CSMD1: variants seen among roughly 807,000 people sequenced by gnomAD.
The protein encoded by CSMD1 is CUB and sushi domain-containing protein 1.
Under a neutral mutation model 417.5 loss-of-function variants are expected in CSMD1, and 213 were observed. The observed-to-expected ratio is 0.51, with a 90% CI of 0.46 to 0.57. The LOEUF is 0.57. Ranked by LOEUF, CSMD1 falls within the 20% of genes least tolerant of loss-of-function variation. The probability of loss-of-function intolerance (pLI) is 0.00; values close to 1 mark genes in which losing one functional copy is unlikely to be tolerated. For synonymous variants in CSMD1, 2,862 were observed against 1,736.8 expected, an observed-to-expected ratio of 1.65 and a Z score of -16.11; for missense variants, 6,923 against 4,529.7, an observed-to-expected ratio of 1.53 and a Z score of -15.17.
intron 3 of CSMD1, among the ~76,000 whole-genome samples, chr8:4,345,846 G>C (rs1435060278): frequency 6.6e-6 from 1 of 152,114 alleles, no homozygotes; most frequent in African/African-American, 2.4e-5. Flanking sequence ...ACCTACATTG[G>C]AGTGTTCTGA....
chr8:4,470,787 AG>A (rs1485285024), intron 2 of CSMD1, among the ~76,000 whole-genome samples: 1 of 152,218 alleles, frequency 6.6e-6, no homozygotes, highest in Non-Finnish European at 1.5e-5. Flanking sequence ...ACAATATTTA[AG>A]GATTGTCTAA....
intron 1 of CSMD1, among the ~76,000 whole-genome samples, chr8:4,842,649 T>C (rs1003323991): frequency 2.6e-5 from 4 of 152,252 alleles, no homozygotes; most frequent in African/African-American, 9.6e-5. Context: ...TGTTCTTCTC[T>C]GTTGGACAGT....
chr8:3,280,018 A>G (rs915228730), intron 26 of CSMD1, among the ~76,000 whole-genome samples: 6 of 152,206 alleles, frequency 3.9e-5, no homozygotes, highest in African/African-American at 1.4e-4. Context: ...GAGATGGTCA[A>G]TGCAGCAGCT....
At chr8:4,412,291 C>G (rs1047304114) in intron 3 of CSMD1, among the ~76,000 whole-genome samples, 2 of 152,118 alleles carry the variant, frequency 1.3e-5, no homozygotes, top group Non-Finnish European at 2.9e-5. Flanking sequence ...TACCACCATC[C>G]TCTCGGTTGC....
intron 3 of CSMD1, among the ~76,000 whole-genome samples, chr8:4,201,837 G>A (rs1216342861): frequency 7.0e-6 from 1 of 143,296 alleles, no homozygotes; most frequent in African/African-American, 2.7e-5. Context: ...CTTATAGAAG[G>A]ATCTTAATTG....
At chr8:4,313,441 T>G (rs946799623) in intron 3 of CSMD1, among the ~76,000 whole-genome samples, 5 of 151,226 alleles carry the variant, frequency 3.3e-5, no homozygotes, top group African/African-American at 1.2e-4. Context: ...TGACATTTAA[T>G]TCTCCTCTGA....
intron 10 of CSMD1, among the ~76,000 whole-genome samples, chr8:3,558,947 C>T (rs1250388756): frequency 2.6e-5 from 4 of 152,066 alleles, no homozygotes; most frequent in Non-Finnish European, 5.9e-5. Context: ...CCCAGAGTAG[C>T]CCAGTATGAC....
intron 7 of CSMD1, among the ~76,000 whole-genome samples, chr8:3,660,572 G>C (rs1053469091): frequency 1.8e-5 from 2 of 108,750 alleles, no homozygotes; most frequent in African/African-American, 3.5e-5. Flanking sequence ...CCAGGCAAGA[G>C]TGCAGTGGTG....
At chr8:3,120,449 C>T (rs528322880) in intron 41 of CSMD1, among the ~76,000 whole-genome samples, 14 of 152,282 alleles carry the variant, frequency 9.2e-5, no homozygotes, top group Admixed American at 8.5e-4. Context: ...TCTTCATTAA[C>T]ATTTGCCAAA....
intron 7 of CSMD1, among the ~76,000 whole-genome samples, chr8:3,693,224 C>A (rs940231852): frequency 6.6e-6 from 1 of 152,100 alleles, no homozygotes; most frequent in Admixed American, 6.5e-5. Flanking sequence ...CTTGTCACGA[C>A]AACAGGCATA....
At chr8:4,086,912 T>C (rs149940837) in intron 3 of CSMD1, among the ~76,000 whole-genome samples, 8 of 152,264 alleles carry the variant, frequency 5.3e-5, no homozygotes, top group Non-Finnish European at 1.0e-4. Flanking sequence ...CAGGCAAGGG[T>C]TGAAGCTTGT....
chr8:4,977,227 A>G (rs1810611161), intron 1 of CSMD1, among the ~76,000 whole-genome samples: 1 of 152,186 alleles, frequency 6.6e-6, no homozygotes, highest in African/African-American at 2.4e-5. Flanking sequence ...TATTCCCTTC[A>G]ATAAAAGCCA....
At chr8:4,600,698 C>A (rs1160596025) in intron 2 of CSMD1, among the ~76,000 whole-genome samples, 1 of 152,098 alleles carries the variant, frequency 6.6e-6, no homozygotes, top group Non-Finnish European at 1.5e-5. Flanking sequence ...AGGGGAATGG[C>A]ATTCTTTTCT....
chr8:3,892,729 T>C (rs1807067626), intron 5 of CSMD1, among the ~76,000 whole-genome samples: 1 of 149,700 alleles, frequency 6.7e-6, no homozygotes, highest in Non-Finnish European at 1.5e-5. Flanking sequence ...TTTTTTTTTT[T>C]TTTTTTGCCA....
At chr8:3,766,683 A>C (rs1421918740) in intron 5 of CSMD1, among the ~76,000 whole-genome samples, 1 of 152,118 alleles carries the variant, frequency 6.6e-6, no homozygotes, top group Non-Finnish European at 1.5e-5. Context: ...TAAAAAAAAA[A>C]CATGGTAACA....
intron 3 of CSMD1, among the ~76,000 whole-genome samples, chr8:4,110,584 G>T (rs191402040): frequency 1.6e-3 from 242 of 152,162 alleles, no homozygotes; most frequent in Middle Eastern, 0.01. Context: ...TTTTTAAACA[G>T]ATTTCTGAAA....
intron 3 of CSMD1, among the ~76,000 whole-genome samples, chr8:4,206,198 T>C (rs1414104407): frequency 6.6e-6 from 1 of 152,180 alleles, no homozygotes; most frequent in East Asian, 1.9e-4. Context: ...AGGATTTCTT[T>C]TTCTTTTTTT....
intron 28 of CSMD1, among the ~76,000 whole-genome samples, chr8:3,221,064 T>C (rs1798182296): frequency 6.6e-6 from 1 of 152,122 alleles, no homozygotes; most frequent in Non-Finnish European, 1.5e-5. Flanking sequence ...CACTAAAATG[T>C]TCTAGGTGGC....
chr8:3,812,968 T>A (rs1340211369), intron 5 of CSMD1, among the ~76,000 whole-genome samples: 1 of 152,188 alleles, frequency 6.6e-6, no homozygotes, highest in Admixed American at 6.5e-5. Flanking sequence ...GAACAGGCAG[T>A]GCAATTTCTT....
Sources: allele counts gnomAD v4.1 joint callset (sites outside exome capture counted in the v4.1 genomes callset), GRCh38; gene constraint gnomAD v4.1.1; transcripts MANE v1.5; gene names NCBI Gene and HGNC (gene_info 2026-07-23, HGNC 2026-07-21).